Variants in SVEP1 observed in about 807,000 individuals in gnomAD.
The protein encoded by SVEP1 is sushi, von Willebrand factor type A, EGF and pentraxin domain containing 1, also known as sushi, von Willebrand factor type A, EGF and pentraxin domain-containing protein 1.
A neutral mutation model predicts 367.3 loss-of-function variants in SVEP1; 164 were observed. The ratio of observed to expected loss-of-function variants is 0.45; its 90% CI spans 0.39 to 0.51. The LOEUF (loss-of-function observed/expected upper bound fraction) is 0.51. SVEP1 is among the 20% of genes least tolerant of loss of function. The pLI, the probability that SVEP1 is intolerant of heterozygous loss-of-function variation, is 0.00. For synonymous variants in SVEP1, 1,666 were observed against 1,611.6 expected (o/e 1.03, Z -0.81); for missense variants, 4,117 against 4,425.3 (o/e 0.93, Z 1.98).
intron 22 of SVEP1, 48 bp downstream of exon 22, chr9:110,455,542 A>T: frequency 7.2e-7 from 1 of 1,380,812 alleles, no homozygotes; most frequent in Non-Finnish European, 1.0e-6. Flanking sequence ...ATGAAATGTT[A>T]ATGATTCAAA....
intron 40 of SVEP1, among the ~76,000 whole-genome samples, chr9:110,395,678 A>G (rs1223812618): frequency 6.6e-6 from 1 of 151,406 alleles, no homozygotes; most frequent in African/African-American, 2.4e-5. Context: ...CAAATGGAAA[A>G]CAAAAAAAGG....
chr9:110,523,088 C>G (rs1323305076), intron 3 of SVEP1, among the ~76,000 whole-genome samples: 2 of 152,208 alleles, frequency 1.3e-5, no homozygotes, highest in East Asian at 1.9e-4. Context: ...TGTCTTCAGC[C>G]TGAAATTCAA....
At position 110,401,027 on chromosome 9, in the gene SVEP1, A is replaced by G. The variant is rs1473954524; in HGVS notation, c.9667-18T>C. Reference sequence around the variant, plus strand: ...CCATCAAGCTAAGTGACAAATAACAAAATGTAAGTTATGTTTAGAAGTTAA... The same window carrying G: ...CCATCAAGCTAAGTGACAAATAACAGAATGTAAGTTATGTTTAGAAGTTAA... On this transcript the variant is annotated intron_variant, in intron 39 of 47. Coordinates refer to ENST00000374469, the MANE Select transcript of SVEP1 (RefSeq NM_153366.4). 6.2e-7 allele frequency: 1 copy of G among 1,612,352 alleles called. No homozygotes were observed. Among genetic ancestry groups the G allele is most frequent in the Admixed American group, 1.7e-5 (1 of 59,418 alleles).
chr9:110,483,462 A>G (rs1829228619), intron 10 of SVEP1, 124 bp downstream of exon 10: 1 of 506,632 alleles, frequency 2.0e-6, no homozygotes, highest in Non-Finnish European at 3.4e-6. Context: ...GTTAACTTAT[A>G]TAATTATTCA....
intron 1 of SVEP1, among the ~76,000 whole-genome samples, chr9:110,566,879 C>G (rs1830500063): frequency 6.6e-6 from 1 of 152,136 alleles, no homozygotes; most frequent in Admixed American, 6.5e-5. Context: ...TAAAGTTTAC[C>G]TCTTTGATCA....
intron 8 of SVEP1, among the ~76,000 whole-genome samples, chr9:110,492,423 G>C (rs1829379804): frequency 6.6e-6 from 1 of 151,950 alleles, no homozygotes; most frequent in Non-Finnish European, 1.5e-5. Flanking sequence ...TTTTACTTGG[G>C]CGAAATGCAA....
chr9:110,487,095 T>C (rs563777875), intron 9 of SVEP1, among the ~76,000 whole-genome samples: 1 of 152,298 alleles, frequency 6.6e-6, no homozygotes, highest in East Asian at 1.9e-4. Flanking sequence ...TAGCTGGGAT[T>C]ACAGGCATGT....
At chr9:110,375,321 T>G (rs1827333485) in intron 46 of SVEP1, 47 bp downstream of exon 46, 1 of 1,494,070 alleles carries the variant, frequency 6.7e-7, no homozygotes, top group Admixed American at 2.2e-5. Context: ...CCTCTGGAGT[T>G]TCATGGGCCT....
chr9:110,574,739 CCTTCT>C, intron 1 of SVEP1, among the ~76,000 whole-genome samples: 1 of 138,156 alleles, frequency 7.2e-6, no homozygotes, highest in Admixed American at 7.7e-5. Flanking sequence ...GTCCAGTCGA[CCTTCT>C]TTTTTTTTTT....
At chr9:110,469,159 C>CT (rs1004591078) in intron 16 of SVEP1, 58 bp from the exon 17 acceptor site, 88 of 1,490,174 alleles carry the variant, frequency 5.9e-5, no homozygotes, top group Middle Eastern at 3.6e-4. Flanking sequence ...ACACACTGGG[C>CT]TTTTTTTTCC....
chr9:110,478,571 A>G (rs1360913629), intron 13 of SVEP1, among the ~76,000 whole-genome samples: 1 of 152,210 alleles, frequency 6.6e-6, no homozygotes, highest in Non-Finnish European at 1.5e-5. Flanking sequence ...TATAATTAGT[A>G]TGAGTGTATT....
At chr9:110,508,642 T>A (rs1829661446) in intron 5 of SVEP1, among the ~76,000 whole-genome samples, 1 of 150,884 alleles carries the variant, frequency 6.6e-6, no homozygotes, top group Admixed American at 6.6e-5. Flanking sequence ...GTGCCTGTAG[T>A]CCCAGCTACT....
chr9:110,413,819 GA>G (rs1224762347), intron 36 of SVEP1, among the ~76,000 whole-genome samples: 6 of 151,848 alleles, frequency 4.0e-5, no homozygotes, highest in African/African-American at 1.2e-4. Context: ...ATGGAGTTTT[GA>G]AAAAATCTCT....
intron 7 of SVEP1, 131 bp downstream of exon 7, chr9:110,498,910 A>G: frequency 3.2e-6 from 2 of 631,976 alleles, no homozygotes; most frequent in Admixed American, 3.9e-5. Flanking sequence ...CTCATAGAGG[A>G]TATTGGGGTA....
chr9:110,413,799 C>G (rs1332649977), intron 36 of SVEP1, among the ~76,000 whole-genome samples: 2 of 151,900 alleles, frequency 1.3e-5, no homozygotes, highest in East Asian at 3.8e-4. Context: ...TCTTACTGAA[C>G]AGAAAATTGA....
chr9:110,429,481 A>T (rs956441373), intron 34 of SVEP1, 147 bp from the exon 35 acceptor site: 2 of 530,182 alleles, frequency 3.8e-6, no homozygotes, highest in Non-Finnish European at 6.2e-6. Context: ...TTTTAAATTA[A>T]TTTTTTTTTT....
chr9:110,570,786 G>A (rs1263567411), intron 1 of SVEP1, among the ~76,000 whole-genome samples: 2 of 151,806 alleles, frequency 1.3e-5, no homozygotes, highest in East Asian at 3.9e-4. Flanking sequence ...TAAATGAGTT[G>A]CTTAGGAACT....
intron 8 of SVEP1, among the ~76,000 whole-genome samples, chr9:110,490,620 TAGAG>T (rs1829353489): frequency 1.3e-5 from 2 of 152,106 alleles, no homozygotes; most frequent in African/African-American, 4.8e-5. Flanking sequence ...TTCCTTGTAA[TAGAG>T]TTCCATGAAC....
intron 30 of SVEP1, among the ~76,000 whole-genome samples, chr9:110,433,704 C>T (rs1364528070): frequency 6.6e-6 from 1 of 151,900 alleles, no homozygotes; most frequent in Non-Finnish European, 1.5e-5. Flanking sequence ...CTCTTGGGCT[C>T]AAGCGATCCG....
Sources: allele counts gnomAD v4.1 joint callset (sites outside exome capture counted in the v4.1 genomes callset), GRCh38; gene constraint gnomAD v4.1.1; transcripts MANE v1.5; gene names NCBI Gene and HGNC (gene_info 2026-07-23, HGNC 2026-07-21).